Variants in VWA5B1 observed in about 807,000 individuals in gnomAD.
The protein encoded by VWA5B1 is von Willebrand factor A domain containing 5B1, also known as von Willebrand factor A domain-containing protein 5B1.
VWA5B1 carries 115 observed loss-of-function variants against 118.2 expected under a neutral mutation model. The observed-to-expected ratio is 0.97, with a 90% CI of 0.84 to 1.14. The LOEUF (loss-of-function observed/expected upper bound fraction) is 1.14. VWA5B1 is among the 50% of genes most tolerant of loss of function. VWA5B1 has a pLI of 0.00. For missense variants in VWA5B1, 1,596 were observed against 1,603.8 expected, an observed-to-expected ratio of 1.00 and a Z score of 0.08; for synonymous variants, 682 against 658.4, an observed-to-expected ratio of 1.04 and a Z score of -0.55.
At chr1:20,304,259 G>C (rs2088580896) in intron 1 of VWA5B1, among the ~76,000 whole-genome samples, 1 of 152,182 alleles carries the variant, frequency 6.6e-6, no homozygotes, top group Non-Finnish European at 1.5e-5. Context: ...GTGTCTGATG[G>C]ACTGGAGTGT....
At chr1:20,347,295 T>A (rs1264379350) in intron 17 of VWA5B1, among the ~76,000 whole-genome samples, 1 of 152,256 alleles carries the variant, frequency 6.6e-6, no homozygotes, top group Admixed American at 6.5e-5. Context: ...ATCAAGAGGC[T>A]CAGAGAATGG....
rs926267 is a variant in VWA5B1 at position 20,354,599 on chromosome 1, C to G, written c.*336C>G. The G allele has an allele frequency of 0.39, 117,903 of 303,502 alleles. 25,268 individuals carry two copies. The highest frequency in any genetic ancestry group is 0.92 in the East Asian group (10,696 of 11,574). The allele number at this position is 303,502 out of a possible 1,614,324, so 18.8% of individuals were successfully genotyped here. A position where few individuals can be genotyped will look rare whatever the true frequency, so the allele number is the denominator to read the frequency against. ...CCGGGCTGACTGCTGCTGGGGCTGG[C>G]GAGGGAAGATGCAGTGGAAGCCTGA... On this transcript the variant is annotated 3_prime_UTR_variant, in exon 22 of 22. Coordinates refer to ENST00000289815, the MANE Select transcript of VWA5B1 (RefSeq NM_001039500.3).
intron 4 of VWA5B1, among the ~76,000 whole-genome samples, chr1:20,315,784 G>A (rs892549966): frequency 2.6e-5 from 4 of 152,226 alleles, no homozygotes; most frequent in Middle Eastern, 3.2e-3. Flanking sequence ...AAGGGGGAAC[G>A]TGCAGGGCCT....
intron 2 of VWA5B1, among the ~76,000 whole-genome samples, chr1:20,312,229 C>T (rs1173747444): frequency 6.6e-6 from 1 of 152,194 alleles, no homozygotes; most frequent in Non-Finnish European, 1.5e-5. Context: ...TAACAAAATC[C>T]AAGGTCATTC....
At chr1:20,334,336 A>T (rs556524124) in intron 12 of VWA5B1, among the ~76,000 whole-genome samples, 1 of 152,276 alleles carries the variant, frequency 6.6e-6, no homozygotes, top group South Asian at 2.1e-4. Context: ...GCACCAGTTC[A>T]TCAACAGACC....
In VWA5B1 at chr1:20,353,884, G is replaced by A. The variant is rs754482144; in HGVS notation, c.3269G>A (p.Arg1090His). The A allele has an allele frequency of 2.9e-5, 45 of 1,546,220 alleles. No homozygotes were observed. Among genetic ancestry groups the A allele is most frequent in the South Asian group, 1.4e-4 (12 of 82,936 alleles). ...TGCCATCGAGTGTCCCTCACCACCCGCCCGTCTGAGTCCAAGACCCCGAGT... is the reference window on the plus strand; with the variant it reads ...TGCCATCGAGTGTCCCTCACCACCCACCCGTCTGAGTCCAAGACCCCGAGT... Reference protein sequence around the residue: ...FTCHRVSLTTRPSESKTPSPQ... With the variant: ...FTCHRVSLTTHPSESKTPSPQ... Residue 1090 changes from arginine to histidine, a missense_variant, in exon 22 of 22, where the codon CGC becomes CAC. Coordinates refer to ENST00000289815, the MANE Select transcript of VWA5B1 (RefSeq NM_001039500.3).
chr1:20,300,026 G>A (rs1385589655), intron 1 of VWA5B1, among the ~76,000 whole-genome samples: 1 of 152,176 alleles, frequency 6.6e-6, no homozygotes, highest in African/African-American at 2.4e-5. Context: ...AGGCAGCAGG[G>A]GGGCGCCATT....
At chr1:20,306,821 A>G (rs926338002) in intron 1 of VWA5B1, among the ~76,000 whole-genome samples, 2 of 152,186 alleles carry the variant, frequency 1.3e-5, no homozygotes, top group Admixed American at 6.5e-5. Flanking sequence ...TGGACCCAAC[A>G]TTTCATCAGG....
At chr1:20,353,628 C>A in intron 21 of VWA5B1, 129 bp from the exon 22 acceptor site, 1 of 1,241,624 alleles carries the variant, frequency 8.1e-7, no homozygotes, top group South Asian at 1.7e-5. Context: ...GCTCAATTGA[C>A]CTGGGTATCC....
intron 17 of VWA5B1, among the ~76,000 whole-genome samples, chr1:20,346,117 A>G (rs2090003113): frequency 6.6e-6 from 1 of 152,252 alleles, no homozygotes; most frequent in Non-Finnish European, 1.5e-5. Context: ...AAATGAATCT[A>G]TATCATTTTA....
rs1245288020 is a variant in VWA5B1 at position 20,339,412 on chromosome 1, C to T, written c.2133+1576C>T. 2.0e-5 allele frequency among the ~76,000 whole-genome samples: 3 copies of T among 152,192 alleles called. No homozygotes were observed. In the East Asian group the frequency reaches 5.8e-4, roughly 30 times the overall value. ...CAAAAATTAGCCGGGTGTGGTGGCACATGCCTGTAATTCCAGCTACTCGGG... is the reference window on the plus strand; with the variant it reads ...CAAAAATTAGCCGGGTGTGGTGGCATATGCCTGTAATTCCAGCTACTCGGG... On this transcript the variant is annotated intron_variant, in intron 14 of 21. Transcript: ENST00000289815.
intron 1 of VWA5B1, among the ~76,000 whole-genome samples, chr1:20,291,474 T>C (rs1353131659): frequency 1.3e-5 from 1 of 75,438 alleles, no homozygotes; most frequent in Non-Finnish European, 2.2e-5. Flanking sequence ...GTTTCTCTTT[T>C]TTCTCTGTGT....
Position 20,343,153 on chromosome 1 carries a change from C to T in VWA5B1, c.2386C>T (p.Arg796Ter). The change falls in exon 16 of 22, where the codon CGA becomes TGA. Residue 796 changes from arginine (R) to a stop codon, truncating the protein, a stop_gained. Coordinates refer to ENST00000289815, the MANE Select transcript of VWA5B1 (RefSeq NM_001039500.3). LOFTEE classifies it high-confidence loss of function. ...DWDPPAESQE[R>*]ASPSRPATPA... ...GGACCCCCCAGCCGAGTCCCAGGAG[C>T]GAGCCAGTCCCAGCAGGCCCGCCAC... 6.5e-7 allele frequency: 1 copy of T among 1,547,678 alleles called. No homozygotes were observed. The highest frequency in any genetic ancestry group is 8.7e-7 in the Non-Finnish European group (1 of 1,145,238).
chr1:20,340,137 T>G (rs1432295994), intron 14 of VWA5B1, among the ~76,000 whole-genome samples: 1 of 151,950 alleles, frequency 6.6e-6, no homozygotes, highest in African/African-American at 2.4e-5. Context: ...CCCTCCTGCC[T>G]GGCTTCTTCC....
At position 20,359,177 on chromosome 1, in the gene VWA5B1, A is replaced by C. The variant is rs868045937; in HGVS notation, c.*4914A>C. On this transcript the variant is annotated 3_prime_UTR_variant, in exon 22 of 22. Coordinates refer to ENST00000289815, the MANE Select transcript of VWA5B1 (RefSeq NM_001039500.3). ...GTGACACATGTGGTATAGTTTCACT[A>C]TCTGCCCAGGTGGCTTTGGCTCAAG... is the stretch of plus-strand genomic sequence containing the variant. 6.6e-6 allele frequency among the ~76,000 whole-genome samples: 1 copy of C among 152,202 alleles called. No individual in the cohort carries two copies. Among genetic ancestry groups the C allele is most frequent in the African/African-American group, 2.4e-5 (1 of 41,444 alleles).
intron 7 of VWA5B1, among the ~76,000 whole-genome samples, chr1:20,321,681 G>A (rs1396060554): frequency 6.6e-6 from 1 of 151,270 alleles, no homozygotes; most frequent in African/African-American, 2.4e-5. Flanking sequence ...CTTTAGCCGG[G>A]CGTCAGCAAA....
chr1:20,295,919 A>G (rs1440208829), intron 1 of VWA5B1, among the ~76,000 whole-genome samples: 3 of 152,058 alleles, frequency 2.0e-5, no homozygotes, highest in Non-Finnish European at 4.4e-5. Flanking sequence ...CTGGAGTGCA[A>G]TGGTGCGATC....
intron 8 of VWA5B1, among the ~76,000 whole-genome samples, chr1:20,327,392 A>G (rs1009438604): frequency 2.0e-5 from 3 of 152,120 alleles, no homozygotes; most frequent in African/African-American, 7.2e-5. Context: ...ATGTGTCCTT[A>G]GTGATGGTTA....
chr1:20,315,900 G>A (rs1044296724), intron 4 of VWA5B1, among the ~76,000 whole-genome samples: 6 of 152,128 alleles, frequency 3.9e-5, no homozygotes, highest in African/African-American at 7.2e-5. Context: ...CAGTGATGAC[G>A]AGCCTTGTGC....
Sources: allele counts gnomAD v4.1 joint callset (sites outside exome capture counted in the v4.1 genomes callset), GRCh38; gene constraint gnomAD v4.1.1; transcripts MANE v1.5; gene names NCBI Gene and HGNC (gene_info 2026-07-23, HGNC 2026-07-21).